Variants in DLEU7 observed in about 807,000 individuals in gnomAD.
DLEU7 encodes deleted in lymphocytic leukemia 7.
DLEU7 carries 17 observed loss-of-function variants against 16.0 expected under a neutral mutation model. The observed-to-expected ratio is 1.06, with a 90% CI of 0.73 to 1.59. DLEU7 has a LOEUF of 1.59. Ranked by LOEUF, DLEU7 falls within the 40% of genes most tolerant of loss-of-function variation. DLEU7 has a pLI of 0.00. For synonymous variants in DLEU7, 113 were observed against 139.8 expected (o/e 0.81, Z 1.35); for missense variants, 308 against 314.9 (o/e 0.98, Z 0.17).
At chr13:50,839,062 C>T (rs1163322303) in intron 1 of DLEU7, among the ~76,000 whole-genome samples, 3 of 152,194 alleles carry the variant, frequency 2.0e-5, no homozygotes, top group Non-Finnish European at 4.4e-5. Context: ...TGCCAGGCTA[C>T]GATGTGACTG....
At chr13:50,787,325 C>A (rs1248808936) in intron 1 of DLEU7, among the ~76,000 whole-genome samples, 1 of 152,170 alleles carries the variant, frequency 6.6e-6, no homozygotes, top group Non-Finnish European at 1.5e-5. Context: ...AGGGACCTCC[C>A]ACTGTTAAAT....
intron 1 of DLEU7, among the ~76,000 whole-genome samples, chr13:50,842,889 G>C (rs1046527060): frequency 6.6e-6 from 1 of 152,164 alleles, no homozygotes; most frequent in Non-Finnish European, 1.5e-5. Flanking sequence ...GGCCTTTCTA[G>C]CGCAGGAAGC....
chr13:50,733,256 A>G (rs1873970585), intron 1 of DLEU7, among the ~76,000 whole-genome samples: 1 of 152,204 alleles, frequency 6.6e-6, no homozygotes, highest in Non-Finnish European at 1.5e-5. Context: ...AATGGATTTG[A>G]AAGCTCCTCA....
chr13:50,729,364 A>G (rs1873855070), intron 1 of DLEU7, among the ~76,000 whole-genome samples: 2 of 152,126 alleles, frequency 1.3e-5, no homozygotes, highest in Admixed American at 1.3e-4. Context: ...ACAATATCTT[A>G]TTCTTTTTCA....
chr13:50,840,613 C>A (rs1296617107), intron 1 of DLEU7, among the ~76,000 whole-genome samples: 2 of 151,912 alleles, frequency 1.3e-5, no homozygotes, highest in Non-Finnish European at 2.9e-5. Context: ...TTGCTCATGA[C>A]AAGGAAGGGA....
intron 1 of DLEU7, among the ~76,000 whole-genome samples, chr13:50,787,015 T>A (rs980316894): frequency 3.3e-5 from 5 of 152,206 alleles, no homozygotes; most frequent in Admixed American, 2.6e-4. Context: ...TCAAGGACAT[T>A]ATTCAAGAAA....
At chr13:50,744,685 T>C (rs1874344336) in intron 1 of DLEU7, among the ~76,000 whole-genome samples, 1 of 152,192 alleles carries the variant, frequency 6.6e-6, no homozygotes, top group African/African-American at 2.4e-5. Context: ...AATGAATTAA[T>C]ATGCAAAATA....
At chr13:50,734,270 A>G (rs1397986472) in intron 1 of DLEU7, among the ~76,000 whole-genome samples, 1 of 152,212 alleles carries the variant, frequency 6.6e-6, no homozygotes, top group Non-Finnish European at 1.5e-5. Context: ...GAAAAAACGT[A>G]TGTTTTAATG....
chr13:50,766,218 G>C (rs1875101623), intron 1 of DLEU7, among the ~76,000 whole-genome samples: 1 of 152,160 alleles, frequency 6.6e-6, no homozygotes, highest in African/African-American at 2.4e-5. Flanking sequence ...AGCATTGGAT[G>C]CTGTTTAAAG....
intron 1 of DLEU7, among the ~76,000 whole-genome samples, chr13:50,743,174 A>AAGGCAGGC (rs376860642): frequency 3.1e-5 from 4 of 129,444 alleles, no homozygotes; most frequent in Non-Finnish European, 7.1e-5. Context: ...GAGAAAGAAA[A>AAGGCAGGC]AGGCAGGCAG....
downstream of DLEU7, chr13:50,822,698 C>T: frequency 1.0e-6 from 1 of 985,226 alleles, no homozygotes; most frequent in African/African-American, 1.7e-5. Flanking sequence ...CTTCATAGCT[C>T]ACTATCACTT....
intron 1 of DLEU7, among the ~76,000 whole-genome samples, chr13:50,734,097 G>C (rs1873996068): frequency 6.6e-6 from 1 of 152,168 alleles, no homozygotes; most frequent in Non-Finnish European, 1.5e-5. Context: ...AATAATTTTT[G>C]AACAAGGAGT....
intron 1 of DLEU7, among the ~76,000 whole-genome samples, chr13:50,773,885 A>T (rs1334800864): frequency 6.6e-6 from 1 of 152,156 alleles, no homozygotes; most frequent in Non-Finnish European, 1.5e-5. Flanking sequence ...CCAGAGATGG[A>T]GTCTACAGAG....
chr13:50,809,355 G>A (rs746012433), intron 1 of DLEU7, among the ~76,000 whole-genome samples: 2 of 152,130 alleles, frequency 1.3e-5, no homozygotes, highest in Non-Finnish European at 2.9e-5. Flanking sequence ...TAGGGACGTT[G>A]TATGCAATTG....
intron 1 of DLEU7, among the ~76,000 whole-genome samples, chr13:50,804,665 C>T (rs1352836244): frequency 1.3e-5 from 2 of 152,096 alleles, no homozygotes; most frequent in South Asian, 2.1e-4. Flanking sequence ...AGGCTGGTCT[C>T]GAACTCCTGA....
Position 50,742,515 on chromosome 13 carries a change from C to T in DLEU7, c.460-29275G>A, listed in dbSNP as rs530436709. Among the ~76,000 whole-genome samples, 173 of 152,180 alleles carry T rather than the reference C, an allele frequency of 1.1e-3. 2 individuals carry two copies. Among genetic ancestry groups the T allele is most frequent in the Non-Finnish European group, 2.1e-3 (140 of 68,012 alleles). On this transcript the variant is annotated intron_variant, in intron 1 of 1. Transcript: ENST00000400393. Reference sequence around the variant, plus strand: ...ACCACTTTAAGGCTAACACAGGAAGCCACACTCAGGGTTCAAGGTTTATGA... The same window carrying T: ...ACCACTTTAAGGCTAACACAGGAAGTCACACTCAGGGTTCAAGGTTTATGA...
intron 1 of DLEU7, among the ~76,000 whole-genome samples, chr13:50,780,205 T>A (rs1593393163): frequency 6.6e-6 from 1 of 152,084 alleles, no homozygotes; most frequent in South Asian, 2.1e-4. Flanking sequence ...CATTCCAGGA[T>A]AGTATGGTCT....
chr13:50,748,692 A>G (rs1437905825), intron 1 of DLEU7, among the ~76,000 whole-genome samples: 1 of 152,094 alleles, frequency 6.6e-6, no homozygotes, highest in Non-Finnish European at 1.5e-5. Context: ...TGAAGAAGAA[A>G]ATGAGGAAGA....
chr13:50,824,805 C>G (rs1426599737), intron 1 of DLEU7, among the ~76,000 whole-genome samples: 1 of 152,128 alleles, frequency 6.6e-6, no homozygotes, highest in Non-Finnish European at 1.5e-5. Context: ...TGTCTGCAAC[C>G]ATTGCCCTAC....
Sources: gnomAD v4.1 joint callset for allele counts (sites outside exome capture counted in the v4.1 genomes callset) on GRCh38, gnomAD v4.1.1 for gene constraint, MANE v1.5 for transcripts, NCBI Gene and HGNC (gene_info 2026-07-23, HGNC 2026-07-21) for gene names.